The following SGMS1 variants were observed in gnomAD, a reference collection of about 807,000 sequenced individuals.
SGMS1 encodes the protein phosphatidylcholine:ceramide cholinephosphotransferase 1.
A neutral mutation model predicts 46.2 loss-of-function variants in SGMS1; 13 were observed. The observed-to-expected ratio is 0.28, with a 90% confidence interval of 0.18 to 0.45. The LOEUF (loss-of-function observed/expected upper bound fraction) is 0.45, where lower values mean the gene tolerates loss of function less well. Ranked by LOEUF, SGMS1 falls within the 20% of genes least tolerant of loss-of-function variation. The probability of loss-of-function intolerance (pLI) is 1.00; values close to 1 mark genes in which losing one functional copy is unlikely to be tolerated. For missense variants in SGMS1, 324 were observed against 519.9 expected, an observed-to-expected ratio of 0.62 and a Z score of 3.66; for synonymous variants, 203 against 187.8, an observed-to-expected ratio of 1.08 and a Z score of -0.66.
intron 8 of SGMS1, among the ~76,000 whole-genome samples, chr10:50,323,514 T>TC (rs139236495): frequency 1.1e-3 from 173 of 152,312 alleles, no homozygotes; most frequent in Middle Eastern, 0.01. Flanking sequence ...TTCTGGGCCT[T>TC]TTCATCCATA....
At chr10:50,555,471 A>G (rs774815204) in intron 2 of SGMS1, among the ~76,000 whole-genome samples, 9 of 152,206 alleles carry the variant, frequency 5.9e-5, no homozygotes, top group Non-Finnish European at 1.2e-4. Context: ...GAAGATTCCA[A>G]TTACAGGGCT....
At chr10:50,428,315 T>G (rs985762145) in intron 6 of SGMS1, among the ~76,000 whole-genome samples, 1 of 152,126 alleles carries the variant, frequency 6.6e-6, no homozygotes, top group African/African-American at 2.4e-5. Context: ...CCTATTAAAG[T>G]GTCTTCTCAG....
At chr10:50,313,205 G>A (rs1017461703) in intron 8 of SGMS1, among the ~76,000 whole-genome samples, 4 of 152,200 alleles carry the variant, frequency 2.6e-5, no homozygotes, top group Non-Finnish European at 5.9e-5. Context: ...AAACTTGAAC[G>A]TGTGTAGTGG....
chr10:50,456,281 C>T (rs956047293), intron 5 of SGMS1, among the ~76,000 whole-genome samples: 1 of 151,918 alleles, frequency 6.6e-6, no homozygotes, highest in East Asian at 1.9e-4. Context: ...AGGAGGTCCT[C>T]CTTATTGTCA....
intron 8 of SGMS1, among the ~76,000 whole-genome samples, chr10:50,312,970 G>A (rs1265909832): frequency 6.6e-6 from 1 of 152,166 alleles, no homozygotes; most frequent in Non-Finnish European, 1.5e-5. Context: ...GTATTGAGAG[G>A]AGTTTCATAA....
intron 3 of SGMS1, among the ~76,000 whole-genome samples, chr10:50,490,661 G>A (rs1482143909): frequency 6.6e-6 from 1 of 152,208 alleles, no homozygotes; most frequent in Non-Finnish European, 1.5e-5. Flanking sequence ...AGGCCAATGT[G>A]TAACTTCATG....
chr10:50,417,861 C>A (rs770489896), intron 6 of SGMS1, among the ~76,000 whole-genome samples: 3 of 152,200 alleles, frequency 2.0e-5, no homozygotes, highest in Non-Finnish European at 2.9e-5. Flanking sequence ...CATATCCTGA[C>A]CCACTGCTTC....
At chr10:50,529,986 T>A (rs896332580) in intron 2 of SGMS1, among the ~76,000 whole-genome samples, 1 of 152,224 alleles carries the variant, frequency 6.6e-6, no homozygotes, top group South Asian at 2.1e-4. Flanking sequence ...ATCTTCACTA[T>A]TTCCTTTAAA....
intron 6 of SGMS1, among the ~76,000 whole-genome samples, chr10:50,392,853 G>A (rs958055432): frequency 5.3e-5 from 8 of 152,102 alleles, no homozygotes; most frequent in African/African-American, 1.4e-4. Flanking sequence ...TGGGAGATAC[G>A]GATATGGAGT....
rs368532403 is a variant in SGMS1, at chr10:50,499,011, T to C, written c.-498+20820A>G. On this transcript the variant is annotated intron_variant, in intron 3 of 10. Coordinates refer to ENST00000361781, the MANE Select transcript of SGMS1 (RefSeq NM_147156.4). ...GGTTTTTTAATAGTAGCCATCCTAC[T>C]GGTAATTCTTTAAGTATTTTTATTT... Among the ~76,000 whole-genome samples, 172 of 152,334 alleles carry C rather than the reference T, an allele frequency of 1.1e-3. 2 individuals are homozygous for C. The highest frequency in any genetic ancestry group is 4.0e-3 in the African/African-American group (168 of 41,576).
At chr10:50,566,457 T>C (rs542386984) in intron 2 of SGMS1, among the ~76,000 whole-genome samples, 2 of 152,236 alleles carry the variant, frequency 1.3e-5, no homozygotes, top group African/African-American at 2.4e-5. Context: ...TTCTTCTGTT[T>C]TTAAATTTCT....
chr10:50,466,232 C>G (rs1049214527), intron 4 of SGMS1, among the ~76,000 whole-genome samples: 2 of 151,538 alleles, frequency 1.3e-5, no homozygotes, highest in African/African-American at 4.9e-5. Flanking sequence ...ATAAAAAGAA[C>G]AAAGAATGGC....
intron 6 of SGMS1, among the ~76,000 whole-genome samples, chr10:50,379,314 C>T (rs929819931): frequency 6.6e-6 from 1 of 152,128 alleles, no homozygotes; most frequent in Non-Finnish European, 1.5e-5. Flanking sequence ...CTCCTCACAA[C>T]AGAATACCAT....
chr10:50,479,230 G>A (rs1837455206), intron 3 of SGMS1, among the ~76,000 whole-genome samples: 1 of 152,062 alleles, frequency 6.6e-6, no homozygotes, highest in East Asian at 1.9e-4. Flanking sequence ...CTCTCCATTG[G>A]ATGTATTCTT....
At chr10:50,311,203 A>C in intron 9 of SGMS1, 59 bp downstream of exon 9, 9 of 1,577,468 alleles carry the variant, frequency 5.7e-6, no homozygotes, top group Non-Finnish European at 6.9e-6. Context: ...TTACCAGAGG[A>C]CCAGAGTTCA....
intron 7 of SGMS1, among the ~76,000 whole-genome samples, chr10:50,340,952 G>A (rs1564880574): frequency 6.6e-6 from 1 of 152,106 alleles, no homozygotes; most frequent in African/African-American, 2.4e-5. Context: ...ATATTCTGTT[G>A]GGAATTACTG....
chr10:50,506,032 C>T (rs776029435), intron 3 of SGMS1, among the ~76,000 whole-genome samples: 18 of 152,254 alleles, frequency 1.2e-4, no homozygotes, highest in Middle Eastern at 3.4e-3. Flanking sequence ...TCTATCTTCC[C>T]ATCCTTCTTC....
chr10:50,376,237 C>T (rs908365555), intron 6 of SGMS1, among the ~76,000 whole-genome samples: 2 of 152,114 alleles, frequency 1.3e-5, no homozygotes, highest in African/African-American at 2.4e-5. Flanking sequence ...CACAAAAGAC[C>T]ACAAACAGAA....
At chr10:50,404,797 C>A in intron 6 of SGMS1, among the ~76,000 whole-genome samples, 1 of 152,086 alleles carries the variant, frequency 6.6e-6, no homozygotes, top group Non-Finnish European at 1.5e-5. Context: ...ACAATCCCCC[C>A]AATGGCAACT....
Sources: allele counts gnomAD v4.1 joint callset (sites outside exome capture counted in the v4.1 genomes callset), GRCh38; gene constraint gnomAD v4.1.1; transcripts MANE v1.5; gene names NCBI Gene and HGNC (gene_info 2026-07-23, HGNC 2026-07-21).